The following RBM24 variants were observed in gnomAD, a reference collection of about 807,000 sequenced individuals.
RBM24 encodes RNA-binding protein 24.
A neutral mutation model predicts 23.6 loss-of-function variants in RBM24; 5 were observed. That is an observed-to-expected ratio of 0.21 (90% CI 0.11 to 0.45). RBM24 has a LOEUF of 0.45. Ranked by LOEUF, RBM24 falls within the 20% of genes least tolerant of loss-of-function variation. RBM24 has a pLI of 0.99. For missense variants in RBM24, 252 were observed against 314.6 expected (o/e 0.80, Z 1.51); for synonymous variants, 151 against 129.5 (o/e 1.17, Z -1.13).
At chr6:17,282,197 C>A (rs76851165) in intron 1 of RBM24, 2 of 1,284,486 alleles carry the variant, frequency 1.6e-6, no homozygotes, top group South Asian at 2.5e-5. Context: ...CTTGTGTCAT[C>A]CCCCCGCCTT....
intron 3 of RBM24, among the ~76,000 whole-genome samples, chr6:17,286,250 TC>T (rs1760194878): frequency 6.6e-6 from 1 of 150,472 alleles, no homozygotes; most frequent in Non-Finnish European, 1.5e-5. Context: ...GAAAGGGCCT[TC>T]CTATATCCAT....
chr6:17,285,336 C>T (rs868734209), intron 3 of RBM24, among the ~76,000 whole-genome samples: 2 of 151,870 alleles, frequency 1.3e-5, no homozygotes, highest in Non-Finnish European at 1.5e-5. Context: ...TTCTTTTCCT[C>T]GGGGAAGGGG....
rs1166164674 is a variant in RBM24, at chr6:17,293,049, TA to T, written c.*931del. The T allele has an allele frequency of 6.6e-6, 1 of 152,266 alleles. No individual in the cohort carries two copies. Among genetic ancestry groups the T allele is most frequent in the Admixed American group, 6.5e-5 (1 of 15,290 alleles). The allele number at this position is 152,266 out of a possible 1,614,324, so 9.4% of individuals were successfully genotyped here. A position where few individuals can be genotyped will look rare whatever the true frequency, so the allele number is the denominator to read the frequency against. On this transcript the variant is annotated 3_prime_UTR_variant, in exon 4 of 4. Transcript: ENST00000379052. ...TTTGCAGAACTGTCTTAAGGACATT[TA>T]TTTTTTTTCCCTTTTTAAGTAATTT...
intron 1 of RBM24, chr6:17,282,469 C>T (rs1192256007): frequency 8.7e-6 from 4 of 461,390 alleles, no homozygotes; most frequent in South Asian, 1.7e-5. Context: ...GCGGGGGATT[C>T]GGGGGAAGGA....
At chr6:17,291,718 G>T in intron 3 of RBM24, 38 bp from the exon 4 acceptor site, 8 of 1,571,578 alleles carry the variant, frequency 5.1e-6, no homozygotes, top group Non-Finnish European at 6.9e-6. Flanking sequence ...CAGTTAGGAG[G>T]TGACTACCGC....
Position 17,281,674 on chromosome 6 carries a change from C to T in RBM24, c.93C>T (p.Phe31=). ...CCGACGCCAGCCTGCGCAAGTACTT[C>T]GAGGTCTTCGGCGAGATCGAGGAGG... The part of the protein sequence containing the change: ...HTTDASLRKY[F]EVFGEIEEAV... Residue 31 remains phenylalanine (F), a synonymous_variant, in exon 1 of 4, where the codon TTC becomes TTT. Coordinates refer to ENST00000379052, the MANE Select transcript of RBM24 (RefSeq NM_001143942.2). The surrounding 1 kb of genome is among the most constrained non-coding windows in gnomAD (Gnocchi z 7.1). The T allele has an allele frequency of 6.4e-7, 1 of 1,551,548 alleles. No homozygotes were observed. The highest frequency in any genetic ancestry group is 1.7e-4 in the Middle Eastern group (1 of 5,922).
intron 3 of RBM24, chr6:17,289,409 T>C (rs1760289795): frequency 2.0e-6 from 2 of 985,254 alleles, no homozygotes; most frequent in Non-Finnish European, 2.4e-6. Flanking sequence ...CCAAACTTCA[T>C]GTAGGAGTCT....
At chr6:17,289,696 C>G (rs1245395490) in intron 3 of RBM24, 5 of 985,298 alleles carry the variant, frequency 5.1e-6, no homozygotes, top group Non-Finnish European at 4.8e-6. Flanking sequence ...CACTGGCTGG[C>G]CTTTGCAGCT....
chr6:17,292,033 G>T lies in RBM24; in HGVS notation c.625G>T (p.Ala209Ser), dbSNP rs1760379994. 15 of 1,599,164 alleles carry T rather than the reference G, an allele frequency of 9.4e-6. No individual in the cohort carries two copies. Among genetic ancestry groups the T allele is most frequent in the Non-Finnish European group, 1.3e-5 (15 of 1,176,830 alleles). Residue 209 changes from alanine (A) to serine (S), a missense_variant, in exon 4 of 4, where the codon GCT (alanine) becomes TCT (serine). Transcript: ENST00000379052. ...QPITAAAPGT[A>S]AAAAAAAAAA... ...AATCACCGCAGCGGCACCTGGGACA[G>T]CTGCCGCCGCCGCTGCAGCAGCTGC...
Position 17,284,637 on chromosome 6 carries a change from G to A in RBM24, c.293-20G>A, listed in dbSNP as rs773184470. ...GCCTAACCATGCACAAATAAAGAAT[G>A]TGGTATATTTTGTTGTTAGGTTTTG... is the stretch of plus-strand genomic sequence containing the variant. On this transcript the variant is annotated intron_variant, in intron 2 of 3. Transcript: ENST00000379052. 2.0e-5 allele frequency: 32 copies of A among 1,596,716 alleles called. No homozygotes were observed. Among genetic ancestry groups the A allele is most frequent in the Non-Finnish European group, 2.7e-5 (31 of 1,167,582 alleles).
At chr6:17,284,862 A>G (rs1760146257) in intron 3 of RBM24, 151 bp downstream of exon 3, 3 of 545,520 alleles carry the variant, frequency 5.5e-6, no homozygotes, top group Non-Finnish European at 9.3e-6. Context: ...TGCTGATACT[A>G]TAAATATTTT....
chr6:17,289,510 C>A, intron 3 of RBM24: 4 of 985,328 alleles, frequency 4.1e-6, no homozygotes, highest in Non-Finnish European at 4.8e-6. Context: ...AGAGCTAAAG[C>A]CCCCTAAGCA....
Position 17,281,542 on chromosome 6 carries a change from C to A in RBM24, c.-40C>A. 6.8e-7 allele frequency: 1 copy of A among 1,463,532 alleles called. No homozygotes were observed. The highest frequency in any genetic ancestry group is 1.5e-5 in the African/African-American group (1 of 67,204). The allele number at this position is 1,463,532 out of a possible 1,614,324, so 90.7% of individuals were successfully genotyped here. A position where few individuals can be genotyped will look rare whatever the true frequency, so the allele number is the denominator to read the frequency against. ...GGAGGCGCAGCCGCTGCCCGAGCCG[C>A]AGCCGCAGCCGGAGCCCGAGCCGCG... On this transcript the variant is annotated 5_prime_UTR_variant, in exon 1 of 4. Transcript: ENST00000379052. The surrounding 1 kb of genome is among the most constrained non-coding windows in gnomAD (Gnocchi z 7.1).
chr6:17,292,312 G>A lies in RBM24; in HGVS notation c.*193G>A, dbSNP rs776821261. On this transcript the variant is annotated 3_prime_UTR_variant, in exon 4 of 4. Transcript: ENST00000379052. The stretch of plus-strand genomic sequence containing the variant: ...GATGAGAAAGAGGTAAGAATGAGGG[G>A]AATGGGCACAATTTTGGAAATCAAT... The A allele has an allele frequency of 6.8e-6, 3 of 438,724 alleles. No individual in the cohort carries two copies. The highest frequency in any genetic ancestry group is 1.1e-5 in the Non-Finnish European group (3 of 266,798). The allele number at this position is 438,724 out of a possible 1,614,324, so 27.2% of individuals were successfully genotyped here.
chr6:17,285,710 C>G (rs1478655713), intron 3 of RBM24, among the ~76,000 whole-genome samples: 1 of 152,176 alleles, frequency 6.6e-6, no homozygotes. Context: ...TCAGATCTAA[C>G]TCAGGTGAAC....
At chr6:17,282,676 G>C in intron 1 of RBM24, 129 bp from the exon 2 acceptor site, 3 of 1,083,082 alleles carry the variant, frequency 2.8e-6, no homozygotes, top group Non-Finnish European at 3.5e-6. Context: ...CCAGCCAAAA[G>C]AAGCAAAGAA....
chr6:17,288,673 G>A, intron 3 of RBM24: 1 of 980,920 alleles, frequency 1.0e-6, no homozygotes, highest in Non-Finnish European at 1.2e-6. Flanking sequence ...GTGAGGATTA[G>A]CATCTGGGTG....
rs778813086 is a variant in RBM24 at position 17,282,967 on chromosome 6, AC to A, written c.292+45del. On this transcript the variant is annotated intron_variant, in intron 2 of 3. Coordinates refer to ENST00000379052, the MANE Select transcript of RBM24 (RefSeq NM_001143942.2). ...GTCTCCCCTACCCCCCTCTCCAAGA[AC>A]CCCCCATTTATGGGTGGGATGATTC... is the stretch of plus-strand genomic sequence containing the variant. 288 of 1,459,454 alleles carry A rather than the reference AC, an allele frequency of 2.0e-4. No homozygotes were observed. In the Middle Eastern group the frequency reaches 2.1e-3, roughly 11 times the overall value. 90.4% of individuals were successfully genotyped at this position (1,459,454 alleles called of 1,614,324 possible).
intron 3 of RBM24, chr6:17,289,747 G>T (rs192055638): frequency 2.9e-6 from 3 of 1,052,086 alleles, no homozygotes; most frequent in Admixed American, 5.0e-5. Flanking sequence ...CATTTTACCC[G>T]CTGGAAACCC....
Sources: allele counts gnomAD v4.1 joint callset (sites outside exome capture counted in the v4.1 genomes callset), GRCh38; gene constraint gnomAD v4.1.1; non-coding constraint Gnocchi (gnomAD v3.1); transcripts MANE v1.5; gene names NCBI Gene and HGNC (gene_info 2026-07-23, HGNC 2026-07-21).